The following ARHGAP26 variants were observed in gnomAD, a reference collection of about 807,000 sequenced individuals.
ARHGAP26 encodes the protein Rho GTPase activating protein 26.
A neutral mutation model predicts 104.8 loss-of-function variants in ARHGAP26; 38 were observed. That is an observed-to-expected ratio of 0.36 (90% CI 0.28 to 0.48). ARHGAP26 has a LOEUF of 0.48. ARHGAP26 is among the 20% of genes least tolerant of loss of function. ARHGAP26 has a pLI of 0.99. For missense variants in ARHGAP26, 704 were observed against 947.9 expected (o/e 0.74, Z 3.38); for synonymous variants, 341 against 340.0 (o/e 1.00, Z -0.03).
intron 8 of ARHGAP26, 98 bp from the exon 9 acceptor site, chr5:142,907,606 G>C: frequency 3.1e-6 from 2 of 649,574 alleles, no homozygotes; most frequent in Middle Eastern, 2.9e-4. Context: ...GGGTAGGGTA[G>C]ATGAGCATTA....
At chr5:142,804,883 T>G (rs1326059978) in intron 1 of ARHGAP26, among the ~76,000 whole-genome samples, 1 of 152,222 alleles carries the variant, frequency 6.6e-6, no homozygotes, top group Non-Finnish European at 1.5e-5. Context: ...ATGCAACCAC[T>G]AATCTGTGTT....
At chr5:143,178,327 C>T (rs1803797016) in intron 20 of ARHGAP26, among the ~76,000 whole-genome samples, 1 of 152,114 alleles carries the variant, frequency 6.6e-6, no homozygotes, top group Non-Finnish European at 1.5e-5. Flanking sequence ...CTGTAAGCTC[C>T]TGTTCAAGCC....
rs1457039120 is a variant in ARHGAP26 at position 143,055,959 on chromosome 5, GGCT to G, written c.1374-65_1374-63del. The G allele has an allele frequency of 9.2e-6, 10 of 1,090,954 alleles. No individual in the cohort carries two copies. In the Admixed American group the frequency reaches 9.6e-5, roughly 11 times the overall value. The allele number at this position is 1,090,954 out of a possible 1,614,324, so 67.6% of individuals were successfully genotyped here. ...ATGTATTACAGTTTGTCAGTCTCTA[GGCT>G]GCTATTTAGAGAGAATATGATTATT... On this transcript the variant is annotated intron_variant, in intron 15 of 22. Transcript: ENST00000645722.
At chr5:143,095,976 T>G (rs892175949) in intron 17 of ARHGAP26, among the ~76,000 whole-genome samples, 2 of 152,248 alleles carry the variant, frequency 1.3e-5, no homozygotes, top group African/African-American at 4.8e-5. Context: ...TTTCAGATAA[T>G]TTTGGATATT....
intron 9 of ARHGAP26, among the ~76,000 whole-genome samples, chr5:142,911,630 A>G (rs1761852267): frequency 6.6e-6 from 1 of 152,224 alleles, no homozygotes. Flanking sequence ...CTGATATGGT[A>G]TGGTCATCCT....
chr5:142,879,493 G>A (rs1480148742), intron 4 of ARHGAP26, 48 bp downstream of exon 4: 2 of 1,491,182 alleles, frequency 1.3e-6, no homozygotes, highest in African/African-American at 1.4e-5. Flanking sequence ...GAGAGGTCTG[G>A]AAAACATAGC....
intron 17 of ARHGAP26, among the ~76,000 whole-genome samples, chr5:143,076,110 A>T (rs1225966639): frequency 6.8e-6 from 1 of 148,076 alleles, no homozygotes; most frequent in Non-Finnish European, 1.5e-5. Context: ...GGTGATCCTT[A>T]CCCTCCCAAG....
At chr5:142,869,966 G>A (rs569024003) in intron 1 of ARHGAP26, among the ~76,000 whole-genome samples, 33 of 152,292 alleles carry the variant, frequency 2.2e-4, no homozygotes, top group African/African-American at 7.9e-4. Flanking sequence ...GAGAAGCACA[G>A]CCCTACCTAC....
rs1015554325 is a variant in ARHGAP26 at position 142,989,556 on chromosome 5, G to T, written c.1108-24524G>T. On this transcript the variant is annotated intron_variant, in intron 11 of 22. Coordinates refer to ENST00000645722, the MANE Select transcript of ARHGAP26 (RefSeq NM_001135608.3). Reference sequence around the variant, plus strand: ...GTTATTTTGCTCGTTAGTTGATACAGTTTCTTCCTAGCATCAATGGTCTTT... The same window carrying T: ...GTTATTTTGCTCGTTAGTTGATACATTTTCTTCCTAGCATCAATGGTCTTT... 2.8e-4 allele frequency among the ~76,000 whole-genome samples: 43 copies of T among 152,306 alleles called. 1 individual carries two copies. The highest frequency in any genetic ancestry group is 1.0e-3 in the African/African-American group (42 of 41,566).
intron 5 of ARHGAP26, among the ~76,000 whole-genome samples, chr5:142,887,443 TA>T (rs1283203858): frequency 4.6e-5 from 7 of 152,240 alleles, no homozygotes; most frequent in Admixed American, 3.3e-4. Flanking sequence ...AAGTATGAAG[TA>T]TATTTAATAT....
At chr5:143,057,506 A>G (rs2270067) in intron 16 of ARHGAP26, 136 bp from the exon 17 acceptor site, 29,461 of 721,848 alleles carry the variant, frequency 0.041, 1,083 homozygotes, top group South Asian at 0.12. Context: ...CGCAGTATGC[A>G]CACAAGACAG....
chr5:143,078,391 T>C (rs1789338966), intron 17 of ARHGAP26, among the ~76,000 whole-genome samples: 1 of 152,130 alleles, frequency 6.6e-6, no homozygotes, highest in African/African-American at 2.4e-5. Context: ...GGATTTCAAT[T>C]CGGATTTTGG....
intron 18 of ARHGAP26, among the ~76,000 whole-genome samples, chr5:143,131,089 T>A (rs577845075): frequency 6.6e-6 from 1 of 152,310 alleles, no homozygotes; most frequent in Admixed American, 6.5e-5. Flanking sequence ...GAGCTGATTC[T>A]CTTATGCTTG....
Position 143,227,007 on chromosome 5 carries a change from G to A in ARHGAP26, c.*4561G>A, listed in dbSNP as rs10074183. On this transcript the variant is annotated 3_prime_UTR_variant, in exon 23 of 23. Coordinates refer to ENST00000645722, the MANE Select transcript of ARHGAP26 (RefSeq NM_001135608.3). ...TAAAAGCTCTGTCTTGACTGCAGAG[G>A]CTCCAAAAGCATTCACAGTTGAGGG... is the stretch of plus-strand genomic sequence containing the variant. 6.3e-3 allele frequency: 1,450 copies of A among 228,612 alleles called. 21 individuals are homozygous for A. The highest frequency in any genetic ancestry group is 0.03 in the African/African-American group (1,368 of 45,168). 14.2% of individuals were successfully genotyped at this position (228,612 alleles called of 1,614,324 possible).
intron 7 of ARHGAP26, 28 bp downstream of exon 7, chr5:142,902,067 T>C (rs747605345): frequency 6.3e-7 from 1 of 1,596,762 alleles, no homozygotes; most frequent in Non-Finnish European, 8.6e-7. Context: ...CAGGCTTCTT[T>C]TATCTGGTTA....
intron 11 of ARHGAP26, among the ~76,000 whole-genome samples, chr5:142,952,143 C>A (rs1768485302): frequency 6.6e-6 from 1 of 152,202 alleles, no homozygotes; most frequent in Non-Finnish European, 1.5e-5. Context: ...GATTATCTTA[C>A]CTCCAGATCC....
chr5:143,168,445 C>CTTTGTTTTTT (rs1802321196), intron 20 of ARHGAP26: 1 of 25,670 alleles, frequency 3.9e-5, no homozygotes, highest in Non-Finnish European at 6.9e-5. Context: ...ATCTGGAACT[C>CTTTGTTTTTT]TTTTTTTTTT....
At chr5:142,816,725 A>G (rs1423973375) in intron 1 of ARHGAP26, among the ~76,000 whole-genome samples, 3 of 152,234 alleles carry the variant, frequency 2.0e-5, no homozygotes, top group Non-Finnish European at 4.4e-5. Context: ...AATGTATGTC[A>G]CAGCCACATT....
chr5:142,892,027 C>G (rs947553243), intron 5 of ARHGAP26, among the ~76,000 whole-genome samples: 1 of 151,922 alleles, frequency 6.6e-6, no homozygotes, highest in African/African-American at 2.4e-5. Context: ...TGTACCCGCT[C>G]GTGGGCCTGT....
Sources: gnomAD v4.1 joint callset for allele counts (sites outside exome capture counted in the v4.1 genomes callset) on GRCh38, gnomAD v4.1.1 for gene constraint, MANE v1.5 for transcripts, NCBI Gene and HGNC (gene_info 2026-07-23, HGNC 2026-07-21) for gene names.